Variants in CRMP1 observed in about 807,000 individuals in gnomAD.
The protein encoded by CRMP1 is dihydropyrimidinase-related protein 1.
CRMP1 carries 19 observed loss-of-function variants against 68.3 expected under a neutral mutation model. That is an observed-to-expected ratio of 0.28 (90% confidence interval 0.19 to 0.41). The LOEUF (loss-of-function observed/expected upper bound fraction) is 0.41. Ranked by LOEUF, CRMP1 falls within the 10% of genes least tolerant of loss-of-function variation. The pLI, the probability that CRMP1 is intolerant of heterozygous loss-of-function variation, is 1.00. For synonymous variants in CRMP1, 439 were observed against 399.6 expected, an observed-to-expected ratio of 1.10 and a Z score of -1.18; for missense variants, 791 against 967.4, an observed-to-expected ratio of 0.82 and a Z score of 2.42.
At chr4:5,832,525 AT>A (rs371213748) in intron 11 of CRMP1, among the ~76,000 whole-genome samples, 1 of 152,222 alleles carries the variant, frequency 6.6e-6, no homozygotes, top group Non-Finnish European at 1.5e-5. Context: ...TAAAAGTAAC[AT>A]TTTTTTAAAA....
rs746272922 is a variant in CRMP1, at chr4:5,861,307, G to C, written c.471-97C>G. 1.6e-6 allele frequency: 2 copies of C among 1,261,142 alleles called. No individual in the cohort carries two copies. Among genetic ancestry groups the C allele is most frequent in the Non-Finnish European group, 2.2e-6 (2 of 899,766 alleles). 78.1% of individuals were successfully genotyped at this position (1,261,142 alleles called of 1,614,324 possible). A position where few individuals can be genotyped will look rare whatever the true frequency, so the allele number is the denominator to read the frequency against. ...AGTTCCATGAAATAAACATTTCTGA[G>C]CCAGGCCCTTCACAAGGCCCTGGGG... On this transcript the variant is annotated intron_variant, in intron 2 of 13. Coordinates refer to ENST00000324989, the MANE Select transcript of CRMP1 (RefSeq NM_001014809.3). The surrounding 1 kb of genome is among the most constrained non-coding windows in gnomAD (Gnocchi z 6.0).
chr4:5,846,947 C>T (rs1712261755), intron 6 of CRMP1, among the ~76,000 whole-genome samples: 1 of 151,812 alleles, frequency 6.6e-6, no homozygotes, highest in African/African-American at 2.4e-5. Context: ...AAGAAGCAGG[C>T]TGAGAAAACC....
Position 5,821,810 on chromosome 4 carries a change from G to A in CRMP1, c.2011C>T (p.Arg671Cys), listed in dbSNP as rs769065864. 1.2e-6 allele frequency: 2 copies of A among 1,611,328 alleles called. No individual in the cohort carries two copies. The highest frequency in any genetic ancestry group is 1.7e-6 in the Non-Finnish European group (2 of 1,179,284). ...CGGCCACCAGGGGGCGCCACGATGC[G>A]GTGGCCGGTGCGCCTGGGATTGTTG... ...DDNNPRRTGHRIVAPPGGRSN... is the reference protein window; with the variant it reads ...DDNNPRRTGHCIVAPPGGRSN... The change falls in exon 14 of 14, where the codon CGC becomes TGC. Residue 671 changes from arginine (R) to cysteine (C), a missense_variant. Physicochemically the swap from Arg to Cys is radical, Grantham distance 180. Coordinates refer to ENST00000324989, the MANE Select transcript of CRMP1 (RefSeq NM_001014809.3). The surrounding 1 kb of genome is among the most constrained non-coding windows in gnomAD (Gnocchi z 4.4).
rs563479376 is a variant in CRMP1 at position 5,881,171 on chromosome 4, C to T, written c.381+11418G>A. Among the ~76,000 whole-genome samples, 5 of 152,220 alleles carry T rather than the reference C, an allele frequency of 3.3e-5. No individual in the cohort carries two copies. The highest frequency in any genetic ancestry group is 7.2e-5 in the African/African-American group (3 of 41,464). On this transcript the variant is annotated intron_variant, in intron 1 of 13. Transcript: ENST00000324989. This position sits in a 1 kb window ranked among gnomAD's most constrained non-coding sequence, Gnocchi z 4.6. ...GGCCCAAGGAAGGAGTGGGGAACTA[C>T]AACCTCATATATCCACAAACATTGC...
Position 5,866,917 on chromosome 4 carries a change from AAT to A in CRMP1, c.382-163_382-162del, listed in dbSNP as rs2152470103. 6.6e-6 allele frequency among the ~76,000 whole-genome samples: 1 copy of A among 152,300 alleles called. No individual in the cohort carries two copies. Among genetic ancestry groups the A allele is most frequent in the Admixed American group, 6.5e-5 (1 of 15,294 alleles). ...CACCAGCTTCAATACTTCTCTATCC[AAT>A]ACTTCCTATTCTCCTTTCACCTTTC... is the stretch of plus-strand genomic sequence containing the variant. On this transcript the variant is annotated intron_variant, in intron 1 of 13. Coordinates refer to ENST00000324989, the MANE Select transcript of CRMP1 (RefSeq NM_001014809.3). The surrounding 1 kb of genome is among the most constrained non-coding windows in gnomAD (Gnocchi z 5.9).
At chr4:5,839,802 C>T in intron 8 of CRMP1, 124 bp from the exon 9 acceptor site, 4 of 1,162,948 alleles carry the variant, frequency 3.4e-6, no homozygotes, top group Non-Finnish European at 4.7e-6. Context: ...ACACTGGCCA[C>T]CGTTCTTGCA....
At position 5,853,862 on chromosome 4, in the gene CRMP1, T is replaced by C. The variant is rs996810046; in HGVS notation, c.820+2281A>G. On this transcript the variant is annotated intron_variant, in intron 4 of 13. Transcript: ENST00000324989. The surrounding 1 kb of genome is among the most constrained non-coding windows in gnomAD (Gnocchi z 4.7). The stretch of plus-strand genomic sequence containing the variant: ...GGCAAACACTGCAGCATCTCACTTA[T>C]ATGTGGAATCTAAAAAGTTGATTTC... Among the ~76,000 whole-genome samples, 2 of 152,262 alleles carry C rather than the reference T, an allele frequency of 1.3e-5. No homozygotes were observed. Among genetic ancestry groups the C allele is most frequent in the African/African-American group, 4.8e-5 (2 of 41,474 alleles).
chr4:5,861,446 C>T lies in CRMP1; in HGVS notation c.471-236G>A, dbSNP rs1345080618. Among the ~76,000 whole-genome samples, 4 of 152,056 alleles carry T rather than the reference C, an allele frequency of 2.6e-5. No individual in the cohort carries two copies. Among genetic ancestry groups the T allele is most frequent in the Admixed American group, 6.6e-5 (1 of 15,256 alleles). On this transcript the variant is annotated intron_variant, in intron 2 of 13. Transcript: ENST00000324989. This position sits in a 1 kb window ranked among gnomAD's most constrained non-coding sequence, Gnocchi z 6.0. The stretch of plus-strand genomic sequence containing the variant: ...AGTATAGCAGAGATGATCGGGGGCA[C>T]GAGGAGGGGCCCTTTCATCCAGTCT...
intron 6 of CRMP1, among the ~76,000 whole-genome samples, chr4:5,844,587 A>G (rs1269915298): frequency 6.6e-6 from 1 of 152,244 alleles, no homozygotes; most frequent in African/African-American, 2.4e-5. Context: ...AAGAAACTAC[A>G]GAGAAGACCA....
intron 11 of CRMP1, among the ~76,000 whole-genome samples, chr4:5,832,095 T>C (rs556861779): frequency 1.5e-4 from 23 of 152,390 alleles, no homozygotes; most frequent in African/African-American, 5.5e-4. Flanking sequence ...ATTGGATGAT[T>C]CCATTTATAT....
At chr4:5,884,389 ACACCCC>A (rs1440797892) in intron 1 of CRMP1, among the ~76,000 whole-genome samples, 4 of 151,936 alleles carry the variant, frequency 2.6e-5, no homozygotes, top group Admixed American at 6.6e-5. Flanking sequence ...ACACACACAC[ACACCCC>A]CACACCCACA....
chr4:5,838,201 G>A lies in CRMP1; in HGVS notation c.1311-1295C>T, dbSNP rs1241435550. On this transcript the variant is annotated intron_variant, in intron 9 of 13. Transcript: ENST00000324989. This position sits in a 1 kb window ranked among gnomAD's most constrained non-coding sequence, Gnocchi z 4.9. ...GCCAGGGGTTCCCATGAGTGTAAAG[G>A]CCCCGAGGCAGGGTCCTGCCTGGGG... is the stretch of plus-strand genomic sequence containing the variant. Among the ~76,000 whole-genome samples, 1 of 152,144 alleles carries A rather than the reference G, an allele frequency of 6.6e-6. No homozygotes were observed. The highest frequency in any genetic ancestry group is 2.4e-5 in the African/African-American group (1 of 41,436).
At chr4:5,878,410 C>T (rs549720423) in intron 1 of CRMP1, among the ~76,000 whole-genome samples, 6 of 152,150 alleles carry the variant, frequency 3.9e-5, no homozygotes, top group Non-Finnish European at 5.9e-5. Context: ...CCTCTTGACA[C>T]GATTATCGTG....
At position 5,870,914 on chromosome 4, in the gene CRMP1, A is replaced by G. The variant is rs1359801839; in HGVS notation, c.382-4158T>C. Among the ~76,000 whole-genome samples the G allele has an allele frequency of 1.3e-5, 2 of 152,180 alleles. No individual in the cohort carries two copies. The highest frequency in any genetic ancestry group is 4.8e-5 in the African/African-American group (2 of 41,446). ...AGAACAGGAAACATAAGTCACCAGCAGCTGGTGCATGGCTTCCGGAACACG... is the reference window on the plus strand; with the variant it reads ...AGAACAGGAAACATAAGTCACCAGCGGCTGGTGCATGGCTTCCGGAACACG... On this transcript the variant is annotated intron_variant, in intron 1 of 13. Transcript: ENST00000324989. The surrounding 1 kb of genome is among the most constrained non-coding windows in gnomAD (Gnocchi z 6.0).
In CRMP1 at chr4:5,866,464, C is replaced by T. The variant is rs1253687407; in HGVS notation, c.470+204G>A. 2.0e-5 allele frequency among the ~76,000 whole-genome samples: 3 copies of T among 152,196 alleles called. No homozygotes were observed. Among genetic ancestry groups the T allele is most frequent in the African/African-American group, 4.8e-5 (2 of 41,440 alleles). ...GCTGCCTCAGCCGTGTGGCAGGGAG[C>T]CTAGCCCGGGGGGGCACCCAAGAAA... On this transcript the variant is annotated intron_variant, in intron 2 of 13. Transcript: ENST00000324989. The surrounding 1 kb of genome is among the most constrained non-coding windows in gnomAD (Gnocchi z 5.9).
At chr4:5,863,652 T>C (rs775407854) in intron 2 of CRMP1, among the ~76,000 whole-genome samples, 3 of 151,872 alleles carry the variant, frequency 2.0e-5, no homozygotes, top group Non-Finnish European at 4.4e-5. Context: ...GAAGAAACTC[T>C]CAACCACCGG....
chr4:5,822,862 A>T (rs76086514), intron 13 of CRMP1, among the ~76,000 whole-genome samples: 1 of 152,236 alleles, frequency 6.6e-6, no homozygotes, highest in Non-Finnish European at 1.5e-5. Context: ...CTGCAACCAC[A>T]GCATTATCAG....
In CRMP1 at chr4:5,836,793, C is replaced by T; in HGVS notation, c.1424G>A (p.Arg475Gln). Residue 475 changes from arginine (R) to glutamine (Q), a missense_variant, in exon 10 of 14, where the codon CGG becomes CAG. Physicochemically the swap from Arg to Gln is conservative, Grantham distance 43. Around this residue, in one of 3 missense-constraint regions of CRMP1, gnomAD observed 594 missense variants for 763.6 expected, o/e 0.78. Coordinates refer to ENST00000324989, the MANE Select transcript of CRMP1 (RefSeq NM_001014809.3). ...IPEGVNGIEE[R>Q]MTVVWDKAVA... The stretch of plus-strand genomic sequence containing the variant: ...CGCCTTGTCCCAGACGACCGTCATC[C>T]GCTCCTCTATCCCGTTGACACCCTC... 1 of 1,614,066 alleles carries T rather than the reference C, an allele frequency of 6.2e-7. No individual in the cohort carries two copies. The highest frequency in any genetic ancestry group is 8.5e-7 in the Non-Finnish European group (1 of 1,179,916).
chr4:5,830,216 A>G (rs1398808619), intron 11 of CRMP1, among the ~76,000 whole-genome samples: 4 of 152,146 alleles, frequency 2.6e-5, no homozygotes, highest in Admixed American at 2.0e-4. Flanking sequence ...CTGATTTCTA[A>G]AAGTACACAC....
Sources: gnomAD v4.1 joint callset for allele counts (sites outside exome capture counted in the v4.1 genomes callset) on GRCh38, gnomAD v4.1.1 for gene constraint, gnomAD v4.1.1 regional missense constraint, Gnocchi (gnomAD v3.1) non-coding constraint, MANE v1.5 for transcripts, NCBI Gene and HGNC (gene_info 2026-07-23, HGNC 2026-07-21) for gene names.